Variants in RNF152 observed in about 807,000 individuals in gnomAD.
The protein encoded by RNF152 is E3 ubiquitin-protein ligase RNF152.
A neutral mutation model predicts 12.7 loss-of-function variants in RNF152; 11 were observed. The ratio of observed to expected loss-of-function variants is 0.86; its 90% confidence interval spans 0.54 to 1.43. The LOEUF is 1.43. RNF152 is among the 40% of genes most tolerant of loss of function. The probability of loss-of-function intolerance (pLI) is 0.00; values close to 1 mark genes in which losing one functional copy is unlikely to be tolerated. For synonymous variants in RNF152, 113 were observed against 120.3 expected (o/e 0.94, Z 0.40); for missense variants, 255 against 274.8 (o/e 0.93, Z 0.51).
chr18:61,823,940 C>T (rs931163339), intron 1 of RNF152, among the ~76,000 whole-genome samples: 2 of 152,204 alleles, frequency 1.3e-5, no homozygotes, highest in African/African-American at 2.4e-5. Context: ...CCAATTCTGT[C>T]GCTACAAAAC....
At chr18:61,873,410 T>A (rs1912079231) in intron 1 of RNF152, among the ~76,000 whole-genome samples, 1 of 152,238 alleles carries the variant, frequency 6.6e-6, no homozygotes, top group Admixed American at 6.5e-5. Context: ...CTATCTCGGC[T>A]CACCGCAACC....
At chr18:61,843,478 G>A (rs928347557) in intron 1 of RNF152, among the ~76,000 whole-genome samples, 2 of 152,118 alleles carry the variant, frequency 1.3e-5, no homozygotes, top group African/African-American at 2.4e-5. Flanking sequence ...TGAAAGCAGG[G>A]TCTTGATGAG....
chr18:61,879,047 C>T (rs1455600555), intron 1 of RNF152, among the ~76,000 whole-genome samples: 1 of 152,158 alleles, frequency 6.6e-6, no homozygotes, highest in Non-Finnish European at 1.5e-5. Context: ...GGAGGATCAA[C>T]AGGACAAGTA....
intron 1 of RNF152, among the ~76,000 whole-genome samples, chr18:61,826,928 C>T (rs1311963334): frequency 1.3e-5 from 2 of 152,152 alleles, no homozygotes; most frequent in Admixed American, 6.5e-5. Flanking sequence ...TCCAGACAAC[C>T]AGAAAGAGCT....
intron 1 of RNF152, among the ~76,000 whole-genome samples, chr18:61,824,354 C>T (rs903388441): frequency 1.3e-5 from 2 of 152,220 alleles, no homozygotes; most frequent in African/African-American, 4.8e-5. Context: ...ATTCTATGAC[C>T]TAAATAATTG....
chr18:61,883,921 C>G (rs1275105026), intron 1 of RNF152, among the ~76,000 whole-genome samples: 1 of 152,142 alleles, frequency 6.6e-6, no homozygotes, highest in Non-Finnish European at 1.5e-5. Flanking sequence ...ACTTTCAAAC[C>G]AAAGACTCTG....
At chr18:61,865,140 T>G (rs1184453004) in intron 1 of RNF152, among the ~76,000 whole-genome samples, 1 of 152,184 alleles carries the variant, frequency 6.6e-6, no homozygotes, top group Non-Finnish European at 1.5e-5. Context: ...ACCAAATATA[T>G]ATATTTCTTA....
At chr18:61,882,213 T>G (rs1406744951) in intron 1 of RNF152, among the ~76,000 whole-genome samples, 1 of 152,150 alleles carries the variant, frequency 6.6e-6, no homozygotes, top group Admixed American at 6.5e-5. Flanking sequence ...AAATCCAAAA[T>G]CCAAAACATA....
At chr18:61,854,902 A>C (rs1340579034) in intron 1 of RNF152, among the ~76,000 whole-genome samples, 2 of 152,250 alleles carry the variant, frequency 1.3e-5, no homozygotes, top group Non-Finnish European at 2.9e-5. Context: ...AACTGGTATA[A>C]TAGCAGCAAG....
At chr18:61,843,424 C>T (rs1910542205) in intron 1 of RNF152, among the ~76,000 whole-genome samples, 1 of 152,188 alleles carries the variant, frequency 6.6e-6, no homozygotes, top group Admixed American at 6.5e-5. Context: ...TAAAATCACC[C>T]TATCATCCAG....
At chr18:61,843,036 G>A (rs1011384835) in intron 1 of RNF152, among the ~76,000 whole-genome samples, 1 of 152,188 alleles carries the variant, frequency 6.6e-6, no homozygotes, top group Non-Finnish European at 1.5e-5. Context: ...TGACTCTACA[G>A]AATGGAAGTG....
In RNF152 at chr18:61,810,229, A is replaced by G. The variant is rs1436935022; in HGVS notation, c.*5623T>C. On this transcript the variant is annotated 3_prime_UTR_variant, in exon 2 of 2. Coordinates refer to ENST00000312828, the MANE Select transcript of RNF152 (RefSeq NM_173557.3). ...CACAAATTGGAAAACATGACTAATAACAGTTTTTTACTGAATTTTAACTCC... is the reference window on the plus strand; with the variant it reads ...CACAAATTGGAAAACATGACTAATAGCAGTTTTTTACTGAATTTTAACTCC... The G allele has an allele frequency of 6.6e-6, 1 of 152,186 alleles. No individual in the cohort carries two copies. The highest frequency in any genetic ancestry group is 1.5e-5 in the Non-Finnish European group (1 of 68,044). The allele number at this position is 152,186 out of a possible 1,614,324, so 9.4% of individuals were successfully genotyped here.
At chr18:61,818,937 C>A (rs1030253086) in intron 1 of RNF152, among the ~76,000 whole-genome samples, 1 of 152,066 alleles carries the variant, frequency 6.6e-6, no homozygotes, top group South Asian at 2.1e-4. Flanking sequence ...ATACAAGGTA[C>A]CCTAAGGGAG....
upstream of RNF152, chr18:61,894,177 G>T: frequency 6.6e-6 from 1 of 151,604 alleles, no homozygotes; most frequent in South Asian, 2.1e-4. This position sits in a 1 kb window ranked among gnomAD's most constrained non-coding sequence, Gnocchi z 4.9. Flanking sequence ...TCGGGTGCTC[G>T]CTACAGAGGC....
intron 1 of RNF152, among the ~76,000 whole-genome samples, chr18:61,850,259 A>G (rs1159795995): frequency 6.6e-6 from 1 of 152,238 alleles, no homozygotes; most frequent in Non-Finnish European, 1.5e-5. Context: ...GACCTCATAC[A>G]GTTTCTGGCT....
At chr18:61,851,177 A>G (rs1049709822) in intron 1 of RNF152, among the ~76,000 whole-genome samples, 23 of 152,020 alleles carry the variant, frequency 1.5e-4, no homozygotes, top group Non-Finnish European at 1.5e-4. Context: ...CATCAGAAAC[A>G]GACAGGCTGT....
intron 1 of RNF152, among the ~76,000 whole-genome samples, chr18:61,838,417 T>C (rs1436446871): frequency 6.6e-6 from 1 of 152,202 alleles, no homozygotes; most frequent in Non-Finnish European, 1.5e-5. Context: ...GGAGGAGTCA[T>C]ACTTACATCC....
At chr18:61,845,149 G>C (rs1910691570) in intron 1 of RNF152, among the ~76,000 whole-genome samples, 1 of 152,150 alleles carries the variant, frequency 6.6e-6, no homozygotes, top group Non-Finnish European at 1.5e-5. Context: ...GCAGTGGCCT[G>C]ATCATAGCTC....
chr18:61,885,985 C>CTTT lies in RNF152; in HGVS notation c.-136+6807_-136+6809dup, dbSNP rs558169838. Among the ~76,000 whole-genome samples the CTTT allele has an allele frequency of 7.0e-4, 57 of 81,708 alleles. 2 individuals carry two copies. Among genetic ancestry groups the CTTT allele is most frequent in the African/African-American group, 1.4e-3 (31 of 21,788 alleles). The allele number at this position is 81,708 out of a possible 152,430, so 53.6% of individuals were successfully genotyped here. A position where few individuals can be genotyped will look rare whatever the true frequency, so the allele number is the denominator to read the frequency against. On this transcript the variant is annotated intron_variant, in intron 1 of 1. Coordinates refer to ENST00000312828, the MANE Select transcript of RNF152 (RefSeq NM_173557.3). The stretch of plus-strand genomic sequence containing the variant: ...TTTTTCTTTTGCTTTCTTTTGCTTT[C>CTTT]TTTTTTTTTTTTTTTTTTTTTTTTT...
Sources: gnomAD v4.1 joint callset for allele counts (sites outside exome capture counted in the v4.1 genomes callset) on GRCh38, gnomAD v4.1.1 for gene constraint, Gnocchi (gnomAD v3.1) non-coding constraint, MANE v1.5 for transcripts, NCBI Gene and HGNC (gene_info 2026-07-23, HGNC 2026-07-21) for gene names.